NHSL1: variants seen among roughly 807,000 people sequenced by gnomAD.
The protein encoded by NHSL1 is NHS like 1.
A neutral mutation model predicts 95.0 loss-of-function variants in NHSL1; 48 were observed. That is an observed-to-expected ratio of 0.51 (90% CI 0.40 to 0.64). NHSL1 has a LOEUF of 0.64. Among genes scored for constraint, NHSL1 ranks in the 30% least tolerant of loss-of-function variants. The probability of loss-of-function intolerance (pLI) is 0.00; values close to 1 mark genes in which losing one functional copy is unlikely to be tolerated. For synonymous variants in NHSL1, 783 were observed against 833.9 expected, an observed-to-expected ratio of 0.94 and a Z score of 1.05; for missense variants, 1,971 against 2,077.7, an observed-to-expected ratio of 0.95 and a Z score of 1.00.
intron 1 of NHSL1, among the ~76,000 whole-genome samples, chr6:138,570,374 T>C (rs920142196): frequency 7.2e-5 from 11 of 152,236 alleles, no homozygotes; most frequent in African/African-American, 2.4e-4. Flanking sequence ...CCACAGCTTA[T>C]TCCTGATTTA....
chr6:138,645,794 C>A (rs1227572083), intron 1 of NHSL1, among the ~76,000 whole-genome samples: 2 of 152,148 alleles, frequency 1.3e-5, no homozygotes, highest in East Asian at 1.9e-4. Context: ...GCGTGAGCCA[C>A]CCCACCTGGC....
intron 1 of NHSL1, among the ~76,000 whole-genome samples, chr6:138,534,028 AT>A (rs1184656540): frequency 6.6e-6 from 1 of 152,320 alleles, no homozygotes; most frequent in East Asian, 1.9e-4. Context: ...GTTTCATCAG[AT>A]TTTTTGGTTG....
At chr6:138,464,880 T>C (rs1214316143) in intron 3 of NHSL1, among the ~76,000 whole-genome samples, 1 of 151,580 alleles carries the variant, frequency 6.6e-6, no homozygotes, top group Non-Finnish European at 1.5e-5. Flanking sequence ...GCCTCGCTAA[T>C]TTTTGTATTT....
At chr6:138,569,330 G>T (rs1783738872) in intron 1 of NHSL1, among the ~76,000 whole-genome samples, 1 of 151,976 alleles carries the variant, frequency 6.6e-6, no homozygotes, top group African/African-American at 2.4e-5. Context: ...AGAGTGGGGA[G>T]GAGGGAGAGT....
intron 1 of NHSL1, among the ~76,000 whole-genome samples, chr6:138,648,669 T>C (rs543469284): frequency 1.3e-5 from 2 of 152,366 alleles, no homozygotes; most frequent in Admixed American, 6.5e-5. Context: ...CTCAGACTTA[T>C]GCCACACACA....
rs185653073 is a variant in NHSL1 at position 138,658,438 on chromosome 6, G to A, written c.96+34038C>T. ...AAATTCCACTTATAAGTGATATCAC[G>A]CAGTATTTGACTCTATGTCTAGCTG... On this transcript the variant is annotated intron_variant, in intron 1 of 3. Coordinates refer to the NHSL1 transcript ENST00000491526. Among the ~76,000 whole-genome samples, 18 of 152,242 alleles carry A rather than the reference G, an allele frequency of 1.2e-4. No individual in the cohort carries two copies. In the East Asian group the frequency reaches 2.7e-3, roughly 23 times the overall value.
intron 2 of NHSL1, among the ~76,000 whole-genome samples, chr6:138,476,809 A>G (rs1779100624): frequency 6.6e-6 from 1 of 152,088 alleles, no homozygotes; most frequent in South Asian, 2.1e-4. Context: ...TCTGGGCAAC[A>G]AGAGCGAAAC....
chr6:138,650,327 T>A, intron 1 of NHSL1: 1 of 891,226 alleles, frequency 1.1e-6, no homozygotes, highest in Non-Finnish European at 1.8e-6. Flanking sequence ...GAATCCAGGA[T>A]TTGAACACCG....
In NHSL1 at chr6:138,424,931, T is replaced by C; in HGVS notation, c.4086-115A>G. ...GTCACCATCTACTTAAGATTCACTT[T>C]CAAAAAATTTATTTTTGACTGGGCA... On this transcript the variant is annotated intron_variant, in intron 7 of 7. Transcript: ENST00000343505. The surrounding 1 kb of genome is among the most constrained non-coding windows in gnomAD (Gnocchi z 5.9). 1.1e-6 allele frequency: 1 copy of C among 904,890 alleles called. No individual in the cohort carries two copies. Among genetic ancestry groups the C allele is most frequent in the Non-Finnish European group, 1.6e-6 (1 of 613,408 alleles). The allele number at this position is 904,890 out of a possible 1,614,324, so 56.1% of individuals were successfully genotyped here.
chr6:138,577,851 AAAAAC>A (rs373596529), intron 1 of NHSL1, among the ~76,000 whole-genome samples: 20 of 152,212 alleles, frequency 1.3e-4, no homozygotes, highest in African/African-American at 4.1e-4. Context: ...TTATAATTAA[AAAAAC>A]AAAACAACCA....
chr6:138,551,275 G>A (rs77847142), intron 1 of NHSL1, among the ~76,000 whole-genome samples: 342 of 152,258 alleles, frequency 2.2e-3, no homozygotes, highest in African/African-American at 7.8e-3. Flanking sequence ...ATAAGGTGGG[G>A]CTACTGTATT....
chr6:138,624,985 AGT>A (rs1035752190), intron 1 of NHSL1, among the ~76,000 whole-genome samples: 3 of 152,068 alleles, frequency 2.0e-5, no homozygotes, highest in Admixed American at 6.6e-5. Flanking sequence ...TACAAAATAT[AGT>A]GTGTGTGTGT....
At chr6:138,525,345 G>A (rs55850917) in intron 1 of NHSL1, among the ~76,000 whole-genome samples, 140 of 151,884 alleles carry the variant, frequency 9.2e-4, no homozygotes, top group Non-Finnish European at 1.7e-3. Context: ...GTGCAACATA[G>A]CAACTCTCTC....
chr6:138,475,089 C>T (rs1362493705), intron 2 of NHSL1, among the ~76,000 whole-genome samples: 1 of 149,130 alleles, frequency 6.7e-6, no homozygotes, highest in African/African-American at 2.5e-5. Context: ...GCAGAAGTTG[C>T]GGTGAGCCGA....
chr6:138,540,170 T>G lies in NHSL1; in HGVS notation c.16+5453A>C, dbSNP rs1488067097. Among the ~76,000 whole-genome samples, 3 of 152,176 alleles carry G rather than the reference T, an allele frequency of 2.0e-5. No homozygotes were observed. The East Asian group carries it at 5.8e-4, about 29-fold the overall frequency. On this transcript the variant is annotated intron_variant, in intron 1 of 4. Coordinates refer to the NHSL1 transcript ENST00000342260. The stretch of plus-strand genomic sequence containing the variant: ...TTACCCACTAACAATTATATGCAAT[T>G]TTAAATGAAAGGAGGAGGAAAGAAC...
At chr6:138,647,052 T>C (rs1027576637) in intron 1 of NHSL1, among the ~76,000 whole-genome samples, 1 of 152,200 alleles carries the variant, frequency 6.6e-6, no homozygotes, top group South Asian at 2.1e-4. Flanking sequence ...TTGGTCATCA[T>C]TTGCATCCAC....
intron 1 of NHSL1, among the ~76,000 whole-genome samples, chr6:138,507,271 T>C (rs998761407): frequency 1.3e-5 from 2 of 152,176 alleles, no homozygotes; most frequent in African/African-American, 4.8e-5. Context: ...TTTTGACAGG[T>C]TAAATTATCC....
intron 5 of NHSL1, among the ~76,000 whole-genome samples, chr6:138,438,422 C>T (rs564556276): frequency 6.6e-6 from 1 of 152,224 alleles, no homozygotes; most frequent in East Asian, 1.9e-4. Flanking sequence ...CTTTTATAGG[C>T]ACTGGAAACC....
At chr6:138,673,501 G>A (rs190101955) in intron 1 of NHSL1, among the ~76,000 whole-genome samples, 21 of 151,000 alleles carry the variant, frequency 1.4e-4, no homozygotes, top group Non-Finnish European at 2.4e-4. Flanking sequence ...TTCATTTCTG[G>A]CAACAGAGAT....
Sources: gnomAD v4.1 joint callset for allele counts (sites outside exome capture counted in the v4.1 genomes callset) on GRCh38, gnomAD v4.1.1 for gene constraint, Gnocchi (gnomAD v3.1) non-coding constraint, MANE v1.5 for transcripts, NCBI Gene and HGNC (gene_info 2026-07-23, HGNC 2026-07-21) for gene names.